Variants in USP34 observed in about 807,000 individuals in gnomAD.
USP34 encodes the protein ubiquitin specific peptidase 34.
A neutral mutation model predicts 460.3 loss-of-function variants in USP34; 70 were observed. The observed-to-expected ratio is 0.15, with a 90% CI of 0.13 to 0.19. The LOEUF is 0.19. USP34 is among the 10% of genes least tolerant of loss of function. USP34 has a pLI of 1.00. For missense variants in USP34, 3,985 were observed against 4,236.2 expected, an observed-to-expected ratio of 0.94 and a Z score of 1.65; for synonymous variants, 1,647 against 1,405.3, an observed-to-expected ratio of 1.17 and a Z score of -3.85.
chr2:61,235,732 C>A lies in USP34; in HGVS notation c.7032+113G>T, dbSNP rs1688048643. On this transcript the variant is annotated intron_variant, in intron 57 of 79. Transcript: ENST00000398571. ...TACCAAATGATTTTAAGAATGACTT[C>A]CATTTGGCTCCCTGTGACAGATAAA... is the stretch of plus-strand genomic sequence containing the variant. 3.2e-6 allele frequency: 3 copies of A among 939,934 alleles called. No individual in the cohort carries two copies. The highest frequency in any genetic ancestry group is 4.7e-6 in the Non-Finnish European group (3 of 633,736). The allele number at this position is 939,934 out of a possible 1,614,324, so 58.2% of individuals were successfully genotyped here.
chr2:61,336,111 A>G (rs536931347), intron 18 of USP34, among the ~76,000 whole-genome samples: 62 of 150,774 alleles, frequency 4.1e-4, no homozygotes, highest in African/African-American at 1.5e-3. Context: ...CTAGGGAAGC[A>G]AAACAAATTG....
intron 21 of USP34, among the ~76,000 whole-genome samples, chr2:61,322,799 T>C (rs995063632): frequency 1.3e-5 from 2 of 152,142 alleles, no homozygotes; most frequent in African/African-American, 4.8e-5. Context: ...CAAATATAAA[T>C]AAACCCAAAA....
At position 61,339,599 on chromosome 2, in the gene USP34, A is replaced by C. The variant is rs749873969; in HGVS notation, c.2583T>G (p.Thr861=). 8 of 1,579,384 alleles carry C rather than the reference A, an allele frequency of 5.1e-6. No individual in the cohort carries two copies. The Admixed American group carries it at 1.6e-4, about 31-fold the overall frequency. ...NLDNVCKKGN[T]LLWDIVQDED... ...CATCTTGGACTATATCCCACAACAAAGTATTTCCTTTCTTGCAAACATTAT... is the reference window on the plus strand; with the variant it reads ...CATCTTGGACTATATCCCACAACAACGTATTTCCTTTCTTGCAAACATTAT... Residue 861 remains threonine, a synonymous_variant, in exon 17 of 80, where the codon ACT becomes ACG. Transcript: ENST00000398571.
chr2:61,259,471 T>C (rs375533053), intron 44 of USP34, among the ~76,000 whole-genome samples: 3 of 151,770 alleles, frequency 2.0e-5, no homozygotes, highest in African/African-American at 7.3e-5. Flanking sequence ...TGCTGCAACC[T>C]CTGCCTCCTG....
chr2:61,436,339 T>C (rs550253486), intron 1 of USP34, among the ~76,000 whole-genome samples: 7 of 152,126 alleles, frequency 4.6e-5, no homozygotes, highest in Non-Finnish European at 7.4e-5. Context: ...AAGACACACA[T>C]AGACTAAAAG....
At chr2:61,201,685 C>A (rs1686982092) in intron 75 of USP34, among the ~76,000 whole-genome samples, 2 of 152,078 alleles carry the variant, frequency 1.3e-5, no homozygotes, top group South Asian at 4.1e-4. Flanking sequence ...TGTTTAATTC[C>A]CCTGAAAGTG....
intron 6 of USP34, among the ~76,000 whole-genome samples, chr2:61,382,490 C>T (rs1312349064): frequency 6.6e-6 from 1 of 152,172 alleles, no homozygotes; most frequent in Non-Finnish European, 1.5e-5. Context: ...TTCAGAAAGG[C>T]CCCATACTCC....
intron 67 of USP34, 100 bp downstream of exon 67, chr2:61,220,210 G>C (rs531483455): frequency 2.1e-6 from 1 of 482,842 alleles, no homozygotes; most frequent in African/African-American, 2.1e-5. Flanking sequence ...GAATTTCGTA[G>C]TATACAACAA....
chr2:61,320,684 G>C (rs538524173), intron 21 of USP34, among the ~76,000 whole-genome samples: 1 of 152,092 alleles, frequency 6.6e-6, no homozygotes, highest in African/African-American at 2.4e-5. Context: ...GGGCAATATA[G>C]GAAGACATTG....
intron 76 of USP34, chr2:61,191,165 G>A (rs1686629827): frequency 6.6e-6 from 1 of 152,570 alleles, no homozygotes; most frequent in African/African-American, 2.4e-5. Context: ...CATAAACACT[G>A]CAAGGGTAAA....
intron 10 of USP34, among the ~76,000 whole-genome samples, chr2:61,353,536 T>C (rs1431096212): frequency 6.6e-6 from 1 of 151,758 alleles, no homozygotes; most frequent in Non-Finnish European, 1.5e-5. Context: ...GGACCACAGG[T>C]GTGTGCCACC....
intron 57 of USP34, among the ~76,000 whole-genome samples, chr2:61,232,789 T>G (rs1687945872): frequency 6.7e-6 from 1 of 149,672 alleles, no homozygotes; most frequent in Non-Finnish European, 1.5e-5. Flanking sequence ...CATAATAAAA[T>G]ATCATTCTCT....
At chr2:61,428,208 A>AAAAAAAAACAAAAAAAAAAAAATAC (rs1694566805) in intron 1 of USP34, among the ~76,000 whole-genome samples, 1 of 150,690 alleles carries the variant, frequency 6.6e-6, no homozygotes, top group Non-Finnish European at 1.5e-5. Context: ...AAAGGCAAAA[A>AAAAAAAAACAAAAAAAAAAAAATAC]TGTTATTTCT....
chr2:61,349,593 C>A (rs1691882316), intron 12 of USP34, among the ~76,000 whole-genome samples: 1 of 152,136 alleles, frequency 6.6e-6, no homozygotes, highest in African/African-American at 2.4e-5. Context: ...GTAACCCCAG[C>A]ATTTTAGGAG....
intron 16 of USP34, among the ~76,000 whole-genome samples, chr2:61,341,755 CTTTTT>C (rs896288474): frequency 2.2e-5 from 2 of 91,748 alleles, no homozygotes; most frequent in African/African-American, 4.1e-5. Context: ...TCAGGTCTTT[CTTTTT>C]TTTTTTTTTT....
At chr2:61,208,715 C>A in intron 70 of USP34, 184 bp downstream of exon 70, 1 of 356,594 alleles carries the variant, frequency 2.8e-6, no homozygotes, top group Non-Finnish European at 5.1e-6. Flanking sequence ...GAAAAAGGAA[C>A]AGCACCCTAA....
chr2:61,413,172 G>A (rs1383058382), intron 2 of USP34, among the ~76,000 whole-genome samples: 2 of 152,060 alleles, frequency 1.3e-5, no homozygotes, highest in African/African-American at 2.4e-5. Context: ...GAGGCGGGCA[G>A]ATCAGGAGGT....
chr2:61,196,544 T>C (rs973957018), intron 75 of USP34, among the ~76,000 whole-genome samples: 3 of 151,916 alleles, frequency 2.0e-5, no homozygotes, highest in Admixed American at 6.6e-5. Context: ...TTTTTTTTTT[T>C]CCTTTCTAGA....
intron 5 of USP34, among the ~76,000 whole-genome samples, chr2:61,388,833 T>C (rs1693252148): frequency 6.6e-6 from 1 of 151,964 alleles, no homozygotes; most frequent in Admixed American, 6.6e-5. Context: ...TACTTCTAGA[T>C]ATACATCCAA....
Sources: allele counts gnomAD v4.1 joint callset (sites outside exome capture counted in the v4.1 genomes callset), GRCh38; gene constraint gnomAD v4.1.1; transcripts MANE v1.5; gene names NCBI Gene and HGNC (gene_info 2026-07-23, HGNC 2026-07-21).